NUMB: variants seen among roughly 807,000 people sequenced by gnomAD.
NUMB encodes the protein NUMB endocytic adaptor protein, also known as protein numb homolog.
NUMB carries 29 observed loss-of-function variants against 59.7 expected under a neutral mutation model. The ratio of observed to expected loss-of-function variants is 0.49; its 90% CI spans 0.36 to 0.66. The LOEUF (loss-of-function observed/expected upper bound fraction) is 0.66, where lower values mean the gene tolerates loss of function less well. NUMB is among the 30% of genes least tolerant of loss of function. The probability of loss-of-function intolerance (pLI) is 0.00; values close to 1 mark genes in which losing one functional copy is unlikely to be tolerated. For synonymous variants in NUMB, 288 were observed against 288.2 expected (o/e 1.00, Z 0.01); for missense variants, 723 against 822.0 (o/e 0.88, Z 1.47).
intron 2 of NUMB, among the ~76,000 whole-genome samples, chr14:73,372,741 C>T (rs756054131): frequency 6.6e-6 from 1 of 151,970 alleles, no homozygotes; most frequent in East Asian, 1.9e-4. Flanking sequence ...AGCCTAGAAA[C>T]TAGGATTCAC....
chr14:73,368,481 G>A (rs981089916), intron 2 of NUMB, among the ~76,000 whole-genome samples: 1 of 151,998 alleles, frequency 6.6e-6, no homozygotes, highest in South Asian at 2.1e-4. Flanking sequence ...TACTCGGGAG[G>A]CTGAGGCAGG....
intron 3 of NUMB, among the ~76,000 whole-genome samples, chr14:73,363,105 G>A (rs1186546111): frequency 6.6e-6 from 1 of 152,134 alleles, no homozygotes; most frequent in East Asian, 1.9e-4. Flanking sequence ...AGACCAGCCT[G>A]GCCTACATGG....
At chr14:73,359,993 A>C (rs1348598559) in intron 3 of NUMB, among the ~76,000 whole-genome samples, 3 of 152,206 alleles carry the variant, frequency 2.0e-5, no homozygotes, top group Non-Finnish European at 4.4e-5. Context: ...TCTTACCTGG[A>C]CTAGCATAAG....
intron 4 of NUMB, among the ~76,000 whole-genome samples, chr14:73,352,125 A>T (rs1288985582): frequency 1.3e-5 from 2 of 152,186 alleles, no homozygotes; most frequent in African/African-American, 4.8e-5. Context: ...TATGGATACA[A>T]AGCCCTGCCC....
chr14:73,430,567 G>A (rs889911849), intron 1 of NUMB, among the ~76,000 whole-genome samples: 20 of 152,054 alleles, frequency 1.3e-4, no homozygotes, highest in African/African-American at 4.6e-4. Flanking sequence ...CTAGGGGGTC[G>A]AGGCTGCAGT....
intron 1 of NUMB, among the ~76,000 whole-genome samples, chr14:73,446,319 A>C (rs946733165): frequency 2.6e-5 from 4 of 152,216 alleles, no homozygotes; most frequent in Admixed American, 1.3e-4. Flanking sequence ...TTTAAAAAAA[A>C]ATCCTAAACT....
intron 2 of NUMB, among the ~76,000 whole-genome samples, chr14:73,383,911 A>G (rs1298077502): frequency 1.3e-5 from 2 of 151,884 alleles, no homozygotes; most frequent in Non-Finnish European, 2.9e-5. Flanking sequence ...AGCTACTGGG[A>G]GGGGCTGAGG....
intron 4 of NUMB, among the ~76,000 whole-genome samples, chr14:73,339,181 CATAGGTAGGTT>C (rs1469575195): frequency 6.6e-6 from 1 of 152,082 alleles, no homozygotes; most frequent in Non-Finnish European, 1.5e-5. Context: ...ATTATGTAAG[CATAGGTAGGTT>C]ATACTATGTA....
intron 1 of NUMB, among the ~76,000 whole-genome samples, chr14:73,412,102 A>AT (rs897805565): frequency 6.6e-6 from 1 of 151,580 alleles, no homozygotes; most frequent in East Asian, 1.9e-4. Flanking sequence ...TTTTTAAAAA[A>AT]TTTTTTTATA....
intron 7 of NUMB, 37 bp downstream of exon 7, chr14:73,297,174 A>C: frequency 7.1e-7 from 1 of 1,417,522 alleles, no homozygotes; most frequent in Non-Finnish European, 9.9e-7. Context: ...TCTCCAAAAA[A>C]AATAAAATAA....
chr14:73,363,641 G>C (rs1308348264), intron 3 of NUMB, among the ~76,000 whole-genome samples: 5 of 152,028 alleles, frequency 3.3e-5, no homozygotes, highest in Non-Finnish European at 7.4e-5. Flanking sequence ...ACCTGTGAAT[G>C]AACATAGATG....
At chr14:73,353,685 C>T (rs1167118106) in intron 4 of NUMB, among the ~76,000 whole-genome samples, 2 of 151,086 alleles carry the variant, frequency 1.3e-5, no homozygotes, top group African/African-American at 2.4e-5. Flanking sequence ...CCAGCCTTTG[C>T]AACAGAGCGA....
chr14:73,285,589 T>C (rs1207885251), intron 9 of NUMB: 1 of 151,946 alleles, frequency 6.6e-6, no homozygotes, highest in African/African-American at 2.4e-5. Context: ...GCTTAAGAAT[T>C]AGAGCTGTTT....
chr14:73,343,495 A>G (rs1389537615), intron 4 of NUMB, among the ~76,000 whole-genome samples: 1 of 152,136 alleles, frequency 6.6e-6, no homozygotes, highest in Non-Finnish European at 1.5e-5. Flanking sequence ...GGAAGAACCT[A>G]CCTCCCTTGA....
intron 1 of NUMB, among the ~76,000 whole-genome samples, chr14:73,430,738 G>A (rs1170664158): frequency 6.6e-6 from 1 of 151,898 alleles, no homozygotes; most frequent in South Asian, 2.1e-4. Flanking sequence ...TCAGGAGATC[G>A]AGACCATTCT....
intron 2 of NUMB, among the ~76,000 whole-genome samples, chr14:73,387,668 G>A (rs2333136): frequency 0.23 from 35,415 of 150,908 alleles, 5,071 homozygotes; most frequent in East Asian, 0.67. Context: ...GGGAGGCGGA[G>A]GTTGCAGTGA....
chr14:73,367,060 C>T (rs1894375910), intron 2 of NUMB, 79 bp from the exon 3 acceptor site: 1 of 151,698 alleles, frequency 6.6e-6, no homozygotes, highest in Non-Finnish European at 1.5e-5. Flanking sequence ...ATAGTAACTC[C>T]AAACAAAACA....
intron 1 of NUMB, among the ~76,000 whole-genome samples, chr14:73,419,336 C>T (rs1030811118): frequency 7.2e-5 from 11 of 152,134 alleles, no homozygotes; most frequent in African/African-American, 2.4e-4. Flanking sequence ...CGGTGAAACC[C>T]GGTCTCTACT....
chr14:73,389,292 A>C (rs28550470), intron 2 of NUMB, among the ~76,000 whole-genome samples: 22,002 of 100,242 alleles, frequency 0.22, 1,503 homozygotes, highest in East Asian at 0.47. Flanking sequence ...AAAAAAAAAA[A>C]ACAAAAACAA....
Sources: allele counts gnomAD v4.1 joint callset (sites outside exome capture counted in the v4.1 genomes callset), GRCh38; gene constraint gnomAD v4.1.1; transcripts MANE v1.5; gene names NCBI Gene and HGNC (gene_info 2026-07-23, HGNC 2026-07-21).